Variants in UNC79 observed in about 807,000 individuals in gnomAD.
UNC79 encodes the protein protein unc-79 homolog.
In UNC79, 37 loss-of-function variants were observed where a neutral mutation model predicts 283.1. That is an observed-to-expected ratio of 0.13 (90% CI 0.10 to 0.17). UNC79 has a LOEUF of 0.17. Among genes scored for constraint, UNC79 ranks in the 10% least tolerant of loss-of-function variants. The pLI, the probability that UNC79 is intolerant of heterozygous loss-of-function variation, is 1.00. For missense variants in UNC79, 2,272 were observed against 3,211.1 expected, an observed-to-expected ratio of 0.71 and a Z score of 7.07; for synonymous variants, 1,107 against 1,200.2, an observed-to-expected ratio of 0.92 and a Z score of 1.61.
At chr14:93,435,436 G>A (rs1472385424) in intron 1 of UNC79, among the ~76,000 whole-genome samples, 1 of 152,096 alleles carries the variant, frequency 6.6e-6, no homozygotes, top group Non-Finnish European at 1.5e-5. Flanking sequence ...ACAGGAATCT[G>A]TCATTAGTCC....
intron 28 of UNC79, 51 bp from the exon 30 acceptor site, chr14:93,618,141 T>G: frequency 1.3e-6 from 2 of 1,564,776 alleles, no homozygotes; most frequent in Non-Finnish European, 1.7e-6. Context: ...GTGGAAAAGC[T>G]TACCCTCTAA....
At chr14:93,573,215 C>A (rs1370035802) in intron 16 of UNC79, among the ~76,000 whole-genome samples, 1 of 152,146 alleles carries the variant, frequency 6.6e-6, no homozygotes. Context: ...GGAATGACTT[C>A]CTTTCCTGTC....
At chr14:93,582,323 A>G in exon 20 of UNC79, 2 of 1,614,144 alleles carry the variant, frequency 1.2e-6, no homozygotes, top group Non-Finnish European at 1.7e-6. Flanking sequence ...AGGCAACTGC[A>G]CCGAGCCCGT....
intron 1 of UNC79, among the ~76,000 whole-genome samples, chr14:93,434,811 G>A (rs947146246): frequency 5.3e-5 from 8 of 152,114 alleles, no homozygotes; most frequent in African/African-American, 1.4e-4. Flanking sequence ...CACATAATGA[G>A]GACTTAATAA....
At chr14:93,547,557 C>A (rs1329538503) in intron 14 of UNC79, among the ~76,000 whole-genome samples, 1 of 152,126 alleles carries the variant, frequency 6.6e-6, no homozygotes, top group Non-Finnish European at 1.5e-5. Flanking sequence ...ATTTATTTAA[C>A]CTATATGACA....
At chr14:93,432,080 C>T (rs1503964) in intron 1 of UNC79, among the ~76,000 whole-genome samples, 96,839 of 152,146 alleles carry the variant, frequency 0.64, 31,696 homozygotes, top group Middle Eastern at 0.77. Context: ...ATAATGCTGT[C>T]ACTACTTAAA....
At position 93,665,471 on chromosome 14, in the gene UNC79, G is replaced by C. The variant is rs538517978; in HGVS notation, c.6636+2757G>C. On this transcript the variant is annotated intron_variant, in intron 40 of 48. Transcript: ENST00000555664. ...ATAAATATTTCAGATAAGGAAAATA[G>C]GCTTTTTATCAATTCTAGAGTTGAT... 3.6e-4 allele frequency among the ~76,000 whole-genome samples: 55 copies of C among 151,802 alleles called. 1 individual carries two copies. The highest frequency in any genetic ancestry group is 1.3e-4 in the Non-Finnish European group (9 of 67,834).
chr14:93,439,114 G>C (rs984248754), intron 1 of UNC79, among the ~76,000 whole-genome samples: 3 of 151,548 alleles, frequency 2.0e-5, no homozygotes, highest in Non-Finnish European at 4.4e-5. Context: ...CTATTCTTTT[G>C]GGTTTTCAAG....
intron 1 of UNC79, among the ~76,000 whole-genome samples, chr14:93,385,414 T>G (rs959643564): frequency 1.3e-5 from 2 of 152,196 alleles, no homozygotes; most frequent in African/African-American, 4.8e-5. Flanking sequence ...CTATTTTATC[T>G]TATTCATAGC....
At chr14:93,380,953 C>T (rs1172594523) in intron 1 of UNC79, among the ~76,000 whole-genome samples, 1 of 152,082 alleles carries the variant, frequency 6.6e-6, no homozygotes, top group Non-Finnish European at 1.5e-5. Context: ...ATTTGTCAGT[C>T]ATTTAGTAAG....
chr14:93,447,663 G>T (rs77207111), intron 1 of UNC79, among the ~76,000 whole-genome samples: 2,649 of 151,658 alleles, frequency 0.017, 40 homozygotes, highest in South Asian at 0.074. Flanking sequence ...ATTTTGTAGT[G>T]TAGCTCTACT....
At chr14:93,489,101 C>T (rs566502907) in intron 5 of UNC79, among the ~76,000 whole-genome samples, 1 of 152,252 alleles carries the variant, frequency 6.6e-6, no homozygotes, top group Admixed American at 6.5e-5. Context: ...GTTACCACAT[C>T]TGGCTAATTT....
chr14:93,401,128 A>G (rs901393556), intron 1 of UNC79, among the ~76,000 whole-genome samples: 1 of 152,228 alleles, frequency 6.6e-6, no homozygotes, highest in African/African-American at 2.4e-5. Flanking sequence ...TGTGAGCTTG[A>G]ATCTTGGCAG....
chr14:93,515,203 C>G (rs1312564833), intron 7 of UNC79, among the ~76,000 whole-genome samples: 1 of 151,716 alleles, frequency 6.6e-6, no homozygotes, highest in African/African-American at 2.4e-5. Flanking sequence ...ACCAACATTC[C>G]CCAAATTCTA....
chr14:93,466,653 C>T (rs1486094386), intron 1 of UNC79, among the ~76,000 whole-genome samples: 1 of 152,194 alleles, frequency 6.6e-6, no homozygotes, highest in Non-Finnish European at 1.5e-5. Flanking sequence ...AACAGCAGGC[C>T]TTGCTTCTCC....
chr14:93,497,433 G>C (rs1023053860), intron 7 of UNC79, 147 bp downstream of exon 7: 7 of 1,208,778 alleles, frequency 5.8e-6, no homozygotes, highest in Non-Finnish European at 7.7e-6. Context: ...AAACTAAGTG[G>C]TTTAAAGATG....
chr14:93,550,265 C>T (rs972099824), intron 14 of UNC79, among the ~76,000 whole-genome samples: 4 of 152,162 alleles, frequency 2.6e-5, no homozygotes, highest in South Asian at 4.1e-4. Flanking sequence ...ACATTTCATC[C>T]TAGACAATAT....
At chr14:93,424,608 C>G (rs972972559) in intron 1 of UNC79, among the ~76,000 whole-genome samples, 1 of 151,784 alleles carries the variant, frequency 6.6e-6, no homozygotes, top group East Asian at 1.9e-4. Context: ...TAGCCAGGCA[C>G]AGAAAGAACA....
At chr14:93,608,135 G>A (rs1168313709) in intron 26 of UNC79, among the ~76,000 whole-genome samples, 3 of 152,178 alleles carry the variant, frequency 2.0e-5, no homozygotes, top group Admixed American at 2.0e-4. Context: ...GCTTGGATCA[G>A]AGGTGTGTGC....
Sources: allele counts gnomAD v4.1 joint callset (sites outside exome capture counted in the v4.1 genomes callset), GRCh38; gene constraint gnomAD v4.1.1; transcripts MANE v1.5; gene names NCBI Gene and HGNC (gene_info 2026-07-23, HGNC 2026-07-21).